EYS: variants seen among roughly 807,000 people sequenced by gnomAD.
EYS encodes EGF-like photoreceptor maintenance factor.
Under a neutral mutation model 282.1 loss-of-function variants are expected in EYS, and 250 were observed. The observed-to-expected ratio is 0.89, with a 90% confidence interval of 0.80 to 0.98. EYS has a LOEUF of 0.98. Among genes scored for constraint, EYS ranks in the 50% least tolerant of loss-of-function variants. The pLI, the probability that EYS is intolerant of heterozygous loss-of-function variation, is 0.00. For synonymous variants in EYS, 1,355 were observed against 1,282.9 expected (o/e 1.06, Z -1.20); for missense variants, 4,016 against 3,709.0 (o/e 1.08, Z -2.15).
chr6:65,153,189 G>A (rs1485145033), intron 12 of EYS, among the ~76,000 whole-genome samples: 1 of 151,866 alleles, frequency 6.6e-6, no homozygotes, highest in Non-Finnish European at 1.5e-5. Flanking sequence ...CACCATATGG[G>A]AAGGCCATGC....
intron 5 of EYS, among the ~76,000 whole-genome samples, chr6:65,444,873 G>A (rs1487844048): frequency 2.6e-5 from 4 of 151,826 alleles, no homozygotes; most frequent in African/African-American, 4.8e-5. Flanking sequence ...AATATATTGC[G>A]CTTCCATTTC....
In EYS at chr6:64,570,757, C is replaced by A. The variant is rs184734032; in HGVS notation, c.5644+19466G>T. 3.0e-3 allele frequency among the ~76,000 whole-genome samples: 463 copies of A among 152,156 alleles called. 1 individual carries two copies. Among genetic ancestry groups the A allele is most frequent in the African/African-American group, 0.01 (416 of 41,524 alleles). Reference sequence around the variant, plus strand: ...ACTATGCTAAATATATGTATACACCCAATACAGGAGCACCAGATCCATAAA... The same window carrying A: ...ACTATGCTAAATATATGTATACACCAAATACAGGAGCACCAGATCCATAAA... On this transcript the variant is annotated intron_variant, in intron 26 of 42. Coordinates refer to ENST00000503581, the MANE Select transcript of EYS (RefSeq NM_001142800.2).
At chr6:65,598,971 ATATC>A (rs1434271880) in intron 2 of EYS, among the ~76,000 whole-genome samples, 1 of 152,036 alleles carries the variant, frequency 6.6e-6, no homozygotes, top group Non-Finnish European at 1.5e-5. Context: ...GTATATATCT[ATATC>A]TATATTTATA....
chr6:63,885,173 A>G (rs556290142), intron 35 of EYS, among the ~76,000 whole-genome samples: 57 of 152,300 alleles, frequency 3.7e-4, no homozygotes, highest in Admixed American at 1.3e-3. Context: ...GGTAATGCTC[A>G]TATAACATGA....
intron 2 of EYS, among the ~76,000 whole-genome samples, chr6:65,605,355 G>C (rs1405641656): frequency 1.3e-5 from 2 of 151,738 alleles, no homozygotes; most frequent in African/African-American, 2.4e-5. Context: ...AAATTAAATT[G>C]ATATTTATTC....
intron 22 of EYS, among the ~76,000 whole-genome samples, chr6:64,689,934 A>G (rs1053143642): frequency 6.6e-6 from 1 of 152,206 alleles, no homozygotes; most frequent in African/African-American, 2.4e-5. Context: ...CTTCACGTCT[A>G]AAACACCAAA....
intron 12 of EYS, among the ~76,000 whole-genome samples, chr6:65,235,377 T>C (rs1425316844): frequency 1.3e-5 from 2 of 151,764 alleles, no homozygotes; most frequent in Admixed American, 6.6e-5. Flanking sequence ...GTTGGATGTA[T>C]ACATGTGCAA....
At chr6:64,997,272 A>T (rs542973760) in intron 14 of EYS, among the ~76,000 whole-genome samples, 1 of 152,220 alleles carries the variant, frequency 6.6e-6, no homozygotes, top group South Asian at 2.1e-4. Flanking sequence ...AGACTCACAC[A>T]GTGCCTTTCA....
chr6:64,863,781 G>T (rs1766324723), intron 19 of EYS, among the ~76,000 whole-genome samples: 1 of 152,088 alleles, frequency 6.6e-6, no homozygotes, highest in Admixed American at 6.5e-5. Context: ...AACCCTTATA[G>T]AATGTTGTCT....
intron 26 of EYS, among the ~76,000 whole-genome samples, chr6:64,452,069 G>C (rs1282213352): frequency 1.3e-5 from 2 of 152,168 alleles, no homozygotes; most frequent in African/African-American, 4.8e-5. Flanking sequence ...AAGTCAAATT[G>C]TCCCTGTTTG....
intron 13 of EYS, among the ~76,000 whole-genome samples, chr6:65,007,118 A>C (rs1771695738): frequency 1.3e-5 from 2 of 152,100 alleles, no homozygotes; most frequent in South Asian, 4.1e-4. Flanking sequence ...AGGCGGGTAA[A>C]ACAGATGCAG....
intron 22 of EYS, among the ~76,000 whole-genome samples, chr6:64,760,920 C>T (rs1486734240): frequency 6.6e-6 from 1 of 152,130 alleles, no homozygotes; most frequent in African/African-American, 2.4e-5. Context: ...CCATTGTCTC[C>T]AACTCTTTGA....
At position 64,987,025 on chromosome 6, in the gene EYS, C is replaced by A. The variant is rs536080187; in HGVS notation, c.2259+10557G>T. Among the ~76,000 whole-genome samples the A allele has an allele frequency of 2.1e-4, 32 of 151,496 alleles. No homozygotes were observed. In the South Asian group the frequency reaches 6.6e-3, roughly 31 times the overall value. On this transcript the variant is annotated intron_variant, in intron 14 of 42. Coordinates refer to ENST00000503581, the MANE Select transcript of EYS (RefSeq NM_001142800.2). ...AATTGATACTGTTTGGGAGAAGTGA[C>A]TAGAGGTCTATATCCTTAGGAAAAG...
chr6:64,392,675 G>A (rs1289606142), intron 28 of EYS, among the ~76,000 whole-genome samples: 1 of 150,134 alleles, frequency 6.7e-6, no homozygotes, highest in Admixed American at 6.7e-5. Flanking sequence ...AGAGAAAGCA[G>A]GAAAGATGCA....
intron 26 of EYS, among the ~76,000 whole-genome samples, chr6:64,486,492 T>C (rs573810343): frequency 2.6e-5 from 4 of 151,540 alleles, no homozygotes; most frequent in Non-Finnish European, 4.4e-5. Flanking sequence ...ATATAACTCA[T>C]TGTCAAATTA....
chr6:65,063,781 C>T (rs887960827), intron 12 of EYS, among the ~76,000 whole-genome samples: 81 of 151,986 alleles, frequency 5.3e-4, no homozygotes, highest in African/African-American at 1.7e-3. Context: ...TAAATGGTGA[C>T]AAATAGCCAT....
At chr6:64,069,526 T>C (rs531637632) in intron 32 of EYS, among the ~76,000 whole-genome samples, 70 of 151,984 alleles carry the variant, frequency 4.6e-4, no homozygotes, top group African/African-American at 1.7e-3. Context: ...ACTCAAGCAA[T>C]AGAAAAATGG....
At chr6:64,399,577 A>G (rs1421036389) in intron 28 of EYS, among the ~76,000 whole-genome samples, 1 of 151,946 alleles carries the variant, frequency 6.6e-6, no homozygotes, top group Non-Finnish European at 1.5e-5. Flanking sequence ...TTATTGAATC[A>G]AATTATAAGC....
intron 7 of EYS, among the ~76,000 whole-genome samples, chr6:65,397,589 TG>T (rs1242272862): frequency 4.9e-4 from 11 of 22,608 alleles, no homozygotes; most frequent in Middle Eastern, 0.018. Context: ...TCATGGTGTG[TG>T]TGTGTGTGTG....
Sources: allele counts gnomAD v4.1 joint callset (sites outside exome capture counted in the v4.1 genomes callset), GRCh38; gene constraint gnomAD v4.1.1; transcripts MANE v1.5; gene names NCBI Gene and HGNC (gene_info 2026-07-23, HGNC 2026-07-21).